Variants in NOSTRIN observed in about 807,000 individuals in gnomAD.
The protein encoded by NOSTRIN is BM247 homolog.
In NOSTRIN, 63 loss-of-function variants were observed where a neutral mutation model predicts 59.0. That is an observed-to-expected ratio of 1.07 (90% CI 0.87 to 1.32). NOSTRIN has a LOEUF of 1.32. NOSTRIN is among the 40% of genes most tolerant of loss of function. The pLI is 0.00. For synonymous variants in NOSTRIN, 200 were observed against 165.4 expected, an observed-to-expected ratio of 1.21 and a Z score of -1.61; for missense variants, 512 against 473.1, an observed-to-expected ratio of 1.08 and a Z score of -0.76.
At chr2:168,847,801 G>T (rs73969983) in intron 8 of NOSTRIN, among the ~76,000 whole-genome samples, 2,285 of 152,134 alleles carry the variant, frequency 0.015, 55 homozygotes, top group African/African-American at 0.051. Flanking sequence ...ATAATAAAAA[G>T]CAAAAAATCA....
intron 12 of NOSTRIN, among the ~76,000 whole-genome samples, chr2:168,858,783 G>A (rs1689269179): frequency 6.6e-6 from 1 of 152,210 alleles, no homozygotes; most frequent in African/African-American, 2.4e-5. Context: ...TTCCCATGCT[G>A]GAGGTGTGGG....
chr2:168,832,013 G>T (rs2105654697), intron 6 of NOSTRIN, among the ~76,000 whole-genome samples: 1 of 152,050 alleles, frequency 6.6e-6, no homozygotes, highest in Non-Finnish European at 1.5e-5. Context: ...CCTGGGTTTT[G>T]TTTTTTTCAT....
intron 2 of NOSTRIN, among the ~76,000 whole-genome samples, chr2:168,819,140 G>A (rs988104531): frequency 1.4e-4 from 21 of 152,174 alleles, no homozygotes; most frequent in African/African-American, 4.8e-4. Context: ...TCACATCTCA[G>A]TGTGAGATTA....
chr2:168,816,514 C>T (rs911647098), intron 2 of NOSTRIN, among the ~76,000 whole-genome samples: 3 of 152,218 alleles, frequency 2.0e-5, no homozygotes, highest in South Asian at 2.1e-4. Flanking sequence ...CACCACCACA[C>T]GTGGGTCCCT....
chr2:168,804,228 T>G (rs1685732590), intron 1 of NOSTRIN, among the ~76,000 whole-genome samples: 1 of 152,226 alleles, frequency 6.6e-6, no homozygotes, highest in African/African-American at 2.4e-5. Flanking sequence ...ACCACACTTC[T>G]GTGTCTGCTT....
chr2:168,837,516 A>T (rs529325470), intron 7 of NOSTRIN, among the ~76,000 whole-genome samples: 1 of 151,962 alleles, frequency 6.6e-6, no homozygotes, highest in Admixed American at 6.5e-5. Context: ...TCACCGAGTT[A>T]GCTAGGATAG....
intron 1 of NOSTRIN, among the ~76,000 whole-genome samples, chr2:168,810,107 G>A (rs773874293): frequency 2.6e-5 from 4 of 152,126 alleles, no homozygotes; most frequent in African/African-American, 4.8e-5. Flanking sequence ...ACCAGTTCAC[G>A]GTCCTCACCC....
chr2:168,857,052 T>A (rs1165593010), intron 12 of NOSTRIN, among the ~76,000 whole-genome samples: 1 of 151,224 alleles, frequency 6.6e-6, no homozygotes, highest in Non-Finnish European at 1.5e-5. Flanking sequence ...CTAGAAACCA[T>A]GTGCACTTTA....
At chr2:168,859,349 A>G (rs1689300971) in intron 12 of NOSTRIN, 163 bp from the exon 13 acceptor site, 1 of 1,048,618 alleles carries the variant, frequency 9.5e-7, no homozygotes, top group East Asian at 2.7e-5. Flanking sequence ...TAAAGAGTTT[A>G]TTCCTCCATT....
At chr2:168,840,845 C>CA (rs1006432250) in intron 7 of NOSTRIN, among the ~76,000 whole-genome samples, 59 of 152,210 alleles carry the variant, frequency 3.9e-4, no homozygotes, top group African/African-American at 1.0e-3. Context: ...GAGCTATAGT[C>CA]AAAACTCAGA....
Position 168,861,853 on chromosome 2 carries a change from T to C in NOSTRIN, c.1295-107T>C, listed in dbSNP as rs951037596. On this transcript the variant is annotated intron_variant, in intron 14 of 15. Transcript: ENST00000317647. ...TACAAACTTTCCTTTTGAGAAAAAT[T>C]TAATATATTGAAACTCTGCATCACA... The C allele has an allele frequency of 2.3e-5, 23 of 1,007,628 alleles. No homozygotes were observed. The African/African-American group carries it at 3.3e-4, about 14-fold the overall frequency. The allele number at this position is 1,007,628 out of a possible 1,614,324, so 62.4% of individuals were successfully genotyped here. A position where few individuals can be genotyped will look rare whatever the true frequency, so the allele number is the denominator to read the frequency against.
intron 12 of NOSTRIN, among the ~76,000 whole-genome samples, chr2:168,857,461 G>A (rs548293099): frequency 1.3e-5 from 2 of 152,290 alleles, no homozygotes; most frequent in East Asian, 1.9e-4. Context: ...GAATTGGGGT[G>A]GGGAGATGGT....
At chr2:168,836,192 C>T (rs1389126697) in intron 7 of NOSTRIN, among the ~76,000 whole-genome samples, 2 of 152,188 alleles carry the variant, frequency 1.3e-5, no homozygotes, top group African/African-American at 2.4e-5. Flanking sequence ...AGGCAGCTTC[C>T]GAAGAGGCGA....
intron 15 of NOSTRIN, among the ~76,000 whole-genome samples, chr2:168,862,606 T>C (rs1429937539): frequency 6.6e-6 from 1 of 152,044 alleles, no homozygotes; most frequent in Non-Finnish European, 1.5e-5. Context: ...TGGTCTCACT[T>C]ACTTCTCAGA....
At chr2:168,805,134 T>G (rs993651599) in intron 1 of NOSTRIN, among the ~76,000 whole-genome samples, 1 of 152,186 alleles carries the variant, frequency 6.6e-6, no homozygotes, top group Non-Finnish European at 1.5e-5. Context: ...CAAAAAGGGC[T>G]CATGGTACGA....
At chr2:168,854,081 C>G (rs961154436) in intron 10 of NOSTRIN, among the ~76,000 whole-genome samples, 3 of 152,144 alleles carry the variant, frequency 2.0e-5, no homozygotes, top group Admixed American at 2.0e-4. Context: ...GTTGGCCAGG[C>G]TGGTCTCGAA....
At position 168,817,357 on chromosome 2, in the gene NOSTRIN, T is replaced by C. The variant is rs830030; in HGVS notation, c.113+5705T>C. Among the ~76,000 whole-genome samples the C allele has an allele frequency of 2.0e-5, 3 of 152,138 alleles. No individual in the cohort carries two copies. In the South Asian group the frequency reaches 6.2e-4, roughly 32 times the overall value. ...GAAGCCCAGTGGCTTTCAAACCTTATAGCTCAAGGGGTTTGTGGGGAGCCC... is the reference window on the plus strand; with the variant it reads ...GAAGCCCAGTGGCTTTCAAACCTTACAGCTCAAGGGGTTTGTGGGGAGCCC... On this transcript the variant is annotated intron_variant, in intron 2 of 15. Coordinates refer to ENST00000317647, the MANE Select transcript of NOSTRIN (RefSeq NM_001039724.4).
upstream of NOSTRIN, chr2:168,800,918 AAAC>A (rs1435264925): frequency 6.0e-5 from 9 of 150,270 alleles, no homozygotes; most frequent in African/African-American, 9.7e-5. Flanking sequence ...TTTAAAAAAA[AAAC>A]AAAAAAAGAG....
chr2:168,835,608 C>T (rs867923633), intron 7 of NOSTRIN, among the ~76,000 whole-genome samples: 1 of 152,172 alleles, frequency 6.6e-6, no homozygotes, highest in African/African-American at 2.4e-5. Context: ...GTTAACCTAA[C>T]TGGAGCCAGA....
Sources: allele counts gnomAD v4.1 joint callset (sites outside exome capture counted in the v4.1 genomes callset), GRCh38; gene constraint gnomAD v4.1.1; transcripts MANE v1.5; gene names NCBI Gene and HGNC (gene_info 2026-07-23, HGNC 2026-07-21).